Variants in PARD3B observed in about 807,000 individuals in gnomAD.
The protein encoded by PARD3B is par-3 family cell polarity regulator beta.
A neutral mutation model predicts 130.2 loss-of-function variants in PARD3B; 103 were observed. The observed-to-expected ratio is 0.79, with a 90% CI of 0.67 to 0.93. The LOEUF (loss-of-function observed/expected upper bound fraction) is 0.93, where lower values mean the gene tolerates loss of function less well. PARD3B is among the 40% of genes least tolerant of loss of function. PARD3B has a pLI of 0.00. For missense variants in PARD3B, 1,609 were observed against 1,499.2 expected (o/e 1.07, Z -1.21); for synonymous variants, 583 against 553.2 (o/e 1.05, Z -0.76).
intron 3 of PARD3B, among the ~76,000 whole-genome samples, chr2:205,044,702 G>T (rs1698644692): frequency 6.6e-6 from 1 of 152,004 alleles, no homozygotes; most frequent in South Asian, 2.1e-4. Context: ...CTGGATATTA[G>T]CCCTTTGTCA....
intron 3 of PARD3B, among the ~76,000 whole-genome samples, chr2:205,038,952 T>C (rs901741173): frequency 6.6e-6 from 1 of 152,174 alleles, no homozygotes; most frequent in Non-Finnish European, 1.5e-5. Flanking sequence ...TCTGAAAGCA[T>C]GTCCTAGCTG....
At chr2:204,980,671 A>G (rs1481638295) in intron 3 of PARD3B, among the ~76,000 whole-genome samples, 1 of 152,202 alleles carries the variant, frequency 6.6e-6, no homozygotes, top group Non-Finnish European at 1.5e-5. Flanking sequence ...CCATACCCCC[A>G]GGCTAATCAT....
At chr2:205,240,413 C>G (rs2039300288) in intron 15 of PARD3B, among the ~76,000 whole-genome samples, 1 of 152,004 alleles carries the variant, frequency 6.6e-6, no homozygotes, top group African/African-American at 2.4e-5. Flanking sequence ...AAATTGCAGT[C>G]TCTATTATTT....
At chr2:205,314,270 C>T (rs558599694) in intron 18 of PARD3B, among the ~76,000 whole-genome samples, 2 of 152,202 alleles carry the variant, frequency 1.3e-5, no homozygotes, top group East Asian at 1.9e-4. Context: ...CTTTGCTTTG[C>T]GTATAATAAA....
At chr2:204,818,300 GTTAGT>G (rs1308958016) in intron 2 of PARD3B, among the ~76,000 whole-genome samples, 4 of 152,176 alleles carry the variant, frequency 2.6e-5, no homozygotes, top group Non-Finnish European at 5.9e-5. Flanking sequence ...AAGTAGAAAT[GTTAGT>G]TTAATCAGGT....
intron 10 of PARD3B, among the ~76,000 whole-genome samples, chr2:205,141,523 T>A (rs1194630905): frequency 6.6e-6 from 1 of 152,178 alleles, no homozygotes; most frequent in Non-Finnish European, 1.5e-5. Context: ...GAATGACAGA[T>A]TTACTCCACC....
At chr2:204,947,953 T>C (rs1689465166) in intron 2 of PARD3B, among the ~76,000 whole-genome samples, 1 of 152,352 alleles carries the variant, frequency 6.6e-6, no homozygotes, top group South Asian at 2.1e-4. Context: ...CATGATGTAA[T>C]GTGACCAGAT....
At chr2:204,998,333 T>TATATAC (rs1553586567) in intron 3 of PARD3B, among the ~76,000 whole-genome samples, 1 of 39,074 alleles carries the variant, frequency 2.6e-5, no homozygotes. Context: ...TATATATATA[T>TATATAC]ATATATATAT....
At chr2:205,467,602 T>C (rs2048674604) in intron 20 of PARD3B, among the ~76,000 whole-genome samples, 1 of 152,230 alleles carries the variant, frequency 6.6e-6, no homozygotes, top group Non-Finnish European at 1.5e-5. Flanking sequence ...ACATTACTTT[T>C]TTCATGGTGG....
rs2053254870 is a variant in PARD3B, at chr2:205,564,603, T to C, written c.3260+11200T>C. On this transcript the variant is annotated intron_variant, in intron 22 of 22. Transcript: ENST00000406610. This position sits in a 1 kb window ranked among gnomAD's most constrained non-coding sequence, Gnocchi z 4.6. ...TTAGGGGACATGGCTGAGACGCAAA[T>C]GCCAGACAACTGCGGAAGCATCGCT... 6.6e-6 allele frequency among the ~76,000 whole-genome samples: 1 copy of C among 152,162 alleles called. No individual in the cohort carries two copies. The highest frequency in any genetic ancestry group is 1.5e-5 in the Non-Finnish European group (1 of 68,022).
At chr2:205,233,279 A>G (rs2038925245) in intron 15 of PARD3B, among the ~76,000 whole-genome samples, 2 of 152,120 alleles carry the variant, frequency 1.3e-5, no homozygotes. Flanking sequence ...TAGCAAAAAT[A>G]TTTTTCTAAA....
intron 2 of PARD3B, among the ~76,000 whole-genome samples, chr2:204,753,628 C>G (rs1414048229): frequency 6.6e-6 from 1 of 152,152 alleles, no homozygotes; most frequent in Non-Finnish European, 1.5e-5. Flanking sequence ...AAGTTAACAT[C>G]TCTATGCCTC....
At chr2:205,119,781 T>G (rs569975950) in intron 7 of PARD3B, among the ~76,000 whole-genome samples, 48 of 152,038 alleles carry the variant, frequency 3.2e-4, no homozygotes, top group Non-Finnish European at 5.7e-4. Flanking sequence ...AACTCCGTCT[T>G]CAAAATAAAT....
chr2:205,205,764 G>A (rs959291151), intron 15 of PARD3B, among the ~76,000 whole-genome samples: 4 of 152,138 alleles, frequency 2.6e-5, no homozygotes, highest in African/African-American at 9.7e-5. Flanking sequence ...ATTTGCGTAT[G>A]TTGAACCAGC....
At chr2:205,201,780 T>C (rs866512684) in intron 15 of PARD3B, among the ~76,000 whole-genome samples, 2 of 152,328 alleles carry the variant, frequency 1.3e-5, no homozygotes, top group African/African-American at 4.8e-5. Flanking sequence ...GAGTTTGCGG[T>C]GAGCGGAGAT....
intron 19 of PARD3B, among the ~76,000 whole-genome samples, chr2:205,439,175 G>C (rs1237006533): frequency 6.6e-6 from 1 of 152,108 alleles, no homozygotes; most frequent in African/African-American, 2.4e-5. Flanking sequence ...GGAAGATACT[G>C]ATGGGTTTCA....
intron 19 of PARD3B, among the ~76,000 whole-genome samples, chr2:205,414,023 G>C (rs182089633): frequency 2.0e-5 from 3 of 152,236 alleles, no homozygotes; most frequent in East Asian, 3.9e-4. Flanking sequence ...TTTTTGTGCT[G>C]TATTTTGAGC....
intron 10 of PARD3B, among the ~76,000 whole-genome samples, chr2:205,150,034 G>A (rs1308987369): frequency 6.6e-6 from 1 of 152,186 alleles, no homozygotes; most frequent in Non-Finnish European, 1.5e-5. Flanking sequence ...GACCAGCCCT[G>A]GGCAGGTGCT....
chr2:205,004,148 T>C (rs1385506877), intron 3 of PARD3B, among the ~76,000 whole-genome samples: 3 of 152,188 alleles, frequency 2.0e-5, no homozygotes, highest in South Asian at 4.1e-4. Context: ...AGTTGGGGTA[T>C]CACTATACTG....
Sources: gnomAD v4.1 joint callset for allele counts (sites outside exome capture counted in the v4.1 genomes callset) on GRCh38, gnomAD v4.1.1 for gene constraint, Gnocchi (gnomAD v3.1) non-coding constraint, MANE v1.5 for transcripts, NCBI Gene and HGNC (gene_info 2026-07-23, HGNC 2026-07-21) for gene names.